Variants in RPS6KA2 observed in about 807,000 individuals in gnomAD.
The protein encoded by RPS6KA2 is ribosomal protein S6 kinase alpha-2.
A neutral mutation model predicts 91.8 loss-of-function variants in RPS6KA2; 42 were observed. The observed-to-expected ratio is 0.46, with a 90% CI of 0.36 to 0.59. RPS6KA2 has a LOEUF of 0.59. Among genes scored for constraint, RPS6KA2 ranks in the 20% least tolerant of loss-of-function variants. The probability of loss-of-function intolerance (pLI) is 0.00; values close to 1 mark genes in which losing one functional copy is unlikely to be tolerated. For missense variants in RPS6KA2, 798 were observed against 978.5 expected (o/e 0.82, Z 2.46); for synonymous variants, 414 against 393.6 (o/e 1.05, Z -0.61).
intron 1 of RPS6KA2, among the ~76,000 whole-genome samples, chr6:166,548,637 GA>G (rs1386610231): frequency 6.6e-6 from 1 of 151,856 alleles, no homozygotes; most frequent in Admixed American, 6.6e-5. Flanking sequence ...CATAGGCAAA[GA>G]AAAAAAGACA....
intron 1 of RPS6KA2, among the ~76,000 whole-genome samples, chr6:166,547,735 T>C (rs563472354): frequency 6.6e-6 from 1 of 152,152 alleles, no homozygotes; most frequent in African/African-American, 2.4e-5. Context: ...TGATAGAGAG[T>C]AGTCAGCTGC....
chr6:166,476,707 C>A (rs147285164), intron 10 of RPS6KA2, among the ~76,000 whole-genome samples: 1 of 152,122 alleles, frequency 6.6e-6, no homozygotes, highest in East Asian at 1.9e-4. Context: ...CTCGAGGGGA[C>A]TCACACTAGG....
chr6:166,524,931 C>T (rs756514357), intron 3 of RPS6KA2, among the ~76,000 whole-genome samples: 3 of 152,190 alleles, frequency 2.0e-5, no homozygotes, highest in Non-Finnish European at 4.4e-5. Context: ...GCCCTAGAGA[C>T]ACCGGCGGAG....
chr6:166,744,880 G>A (rs181412069), intron 2 of RPS6KA2, among the ~76,000 whole-genome samples: 203 of 152,298 alleles, frequency 1.3e-3, no homozygotes, highest in African/African-American at 4.3e-3. Context: ...GGCCTTCCCC[G>A]GCTCTGGGAA....
intron 2 of RPS6KA2, among the ~76,000 whole-genome samples, chr6:166,703,523 C>T (rs1789592594): frequency 1.3e-5 from 2 of 152,232 alleles, no homozygotes; most frequent in Admixed American, 1.3e-4. Flanking sequence ...AGTTTATAAT[C>T]ACAGCTAAGG....
At chr6:166,623,542 T>C (rs1463005203) in intron 1 of RPS6KA2, among the ~76,000 whole-genome samples, 2 of 152,200 alleles carry the variant, frequency 1.3e-5, no homozygotes, top group Non-Finnish European at 1.5e-5. Context: ...ACTCAGAGGG[T>C]ATCCTATCCC....
intron 2 of RPS6KA2, among the ~76,000 whole-genome samples, chr6:166,755,254 G>A (rs35294603): frequency 0.12 from 17,527 of 152,014 alleles, 1,328 homozygotes; most frequent in African/African-American, 0.21. Flanking sequence ...ATTCCCAGTA[G>A]GAGTGCTTTC....
intron 2 of RPS6KA2, among the ~76,000 whole-genome samples, chr6:166,634,894 A>G (rs1481639578): frequency 6.6e-6 from 1 of 152,010 alleles, no homozygotes; most frequent in African/African-American, 2.4e-5. Context: ...GAGCCACTAC[A>G]CTCAGTGTTC....
intron 2 of RPS6KA2, among the ~76,000 whole-genome samples, chr6:166,675,546 A>T (rs1444194222): frequency 6.6e-6 from 1 of 151,986 alleles, no homozygotes; most frequent in Non-Finnish European, 1.5e-5. Context: ...CGTGCTCCTG[A>T]GATCAGCCCT....
intron 2 of RPS6KA2, among the ~76,000 whole-genome samples, chr6:166,802,932 ATGTG>A (rs71804902): frequency 0.39 from 57,773 of 146,630 alleles, 12,131 homozygotes; most frequent in East Asian, 0.59. Context: ...ATGTATGTAT[ATGTG>A]TGTGTGTGTA....
intron 2 of RPS6KA2, among the ~76,000 whole-genome samples, chr6:166,851,644 G>A (rs545368695): frequency 5.9e-5 from 9 of 152,312 alleles, no homozygotes; most frequent in African/African-American, 1.7e-4. Flanking sequence ...ACAGTCTCCA[G>A]CCGGTGCCCA....
intron 1 of RPS6KA2, among the ~76,000 whole-genome samples, chr6:166,541,658 G>A (rs1338176705): frequency 2.6e-5 from 4 of 152,108 alleles, no homozygotes; most frequent in Admixed American, 6.5e-5. Context: ...GCCATCCCCT[G>A]TTGCCTCCCG....
Position 166,448,900 on chromosome 6 carries a change from A to C in RPS6KA2, c.1207-51T>G. ...GTTGTCGGAACCCTCACACGAGGGG[A>C]CGGTGCAGCTACACGCACACAGAAT... On this transcript the variant is annotated intron_variant, in intron 13 of 20. Transcript: ENST00000265678. This position sits in a 1 kb window ranked among gnomAD's most constrained non-coding sequence, Gnocchi z 4.7. The C allele has an allele frequency of 6.2e-7, 1 of 1,604,476 alleles. No individual in the cohort carries two copies.
chr6:166,704,180 T>C (rs874276), intron 2 of RPS6KA2, among the ~76,000 whole-genome samples: 27,726 of 152,152 alleles, frequency 0.18, 2,661 homozygotes, highest in African/African-American at 0.22. Context: ...TTTAAATACT[T>C]TTCATGCTTA....
intron 1 of RPS6KA2, among the ~76,000 whole-genome samples, chr6:166,573,131 G>A (rs912386114): frequency 9.2e-5 from 14 of 152,232 alleles, no homozygotes; most frequent in African/African-American, 3.4e-4. Flanking sequence ...GCAGGAGGGT[G>A]AGATCTTTGG....
chr6:166,591,218 G>A (rs1785344162), intron 1 of RPS6KA2, among the ~76,000 whole-genome samples: 1 of 152,212 alleles, frequency 6.6e-6, no homozygotes, highest in Non-Finnish European at 1.5e-5. Flanking sequence ...CTCCACGGGA[G>A]GCCCTGGGGG....
At chr6:166,673,195 C>T (rs902140058) in intron 2 of RPS6KA2, among the ~76,000 whole-genome samples, 3 of 152,200 alleles carry the variant, frequency 2.0e-5, no homozygotes, top group East Asian at 1.9e-4. Flanking sequence ...TACACTGTAG[C>T]GCTCTGAGCC....
At chr6:166,570,834 G>T (rs1329473544) in intron 1 of RPS6KA2, among the ~76,000 whole-genome samples, 2 of 152,196 alleles carry the variant, frequency 1.3e-5, no homozygotes, top group Non-Finnish European at 2.9e-5. Flanking sequence ...AGACACAAAG[G>T]TAGATCTGAA....
intron 2 of RPS6KA2, among the ~76,000 whole-genome samples, chr6:166,714,743 A>T (rs1195765921): frequency 1.3e-5 from 2 of 152,258 alleles, no homozygotes; most frequent in African/African-American, 4.8e-5. Context: ...ACTCTGCCAC[A>T]CCTCCAACTC....
Sources: allele counts gnomAD v4.1 joint callset (sites outside exome capture counted in the v4.1 genomes callset), GRCh38; gene constraint gnomAD v4.1.1; non-coding constraint Gnocchi (gnomAD v3.1); transcripts MANE v1.5; gene names NCBI Gene and HGNC (gene_info 2026-07-23, HGNC 2026-07-21).